ADAP1: variants seen among roughly 807,000 people sequenced by gnomAD.
ADAP1 encodes arf-GAP with dual PH domain-containing protein 1.
Under a neutral mutation model 54.9 loss-of-function variants are expected in ADAP1, and 31 were observed. That is an observed-to-expected ratio of 0.56 (90% CI 0.42 to 0.76). The LOEUF is 0.76. Among genes scored for constraint, ADAP1 ranks in the 30% least tolerant of loss-of-function variants. The probability of loss-of-function intolerance (pLI) is 0.00; values close to 1 mark genes in which losing one functional copy is unlikely to be tolerated. For missense variants in ADAP1, 535 were observed against 512.4 expected (o/e 1.04, Z -0.42); for synonymous variants, 313 against 202.6 (o/e 1.55, Z -4.63).
intron 1 of ADAP1, among the ~76,000 whole-genome samples, chr7:951,372 CA>C (rs1221252727): frequency 0.021 from 2,608 of 126,300 alleles, 53 homozygotes; most frequent in African/African-American, 0.054. Context: ...GACTCCGTCT[CA>C]AAAAAAAAAA....
rs1016424130 is a variant in ADAP1 at position 926,394 on chromosome 7, C to T, written c.305+159G>A. 7.2e-6 allele frequency among the ~76,000 whole-genome samples: 1 copy of T among 139,326 alleles called. No homozygotes were observed. The highest frequency in any genetic ancestry group is 2.6e-5 in the African/African-American group (1 of 38,036). The allele number at this position is 139,326 out of a possible 152,430, so 91.4% of individuals were successfully genotyped here. On this transcript the variant is annotated intron_variant, in intron 3 of 10. Coordinates refer to ENST00000265846, the MANE Select transcript of ADAP1 (RefSeq NM_006869.4). The surrounding 1 kb of genome is among the most constrained non-coding windows in gnomAD (Gnocchi z 4.6). ...CCAAAGCCCGGTGGTGGCCAGCAGA[C>T]ACAGGCGGCACCTCGGGGTCTGGGG...
intron 4 of ADAP1, among the ~76,000 whole-genome samples, chr7:907,548 CCACT>C (rs1314582941): frequency 2.0e-5 from 3 of 152,104 alleles, no homozygotes; most frequent in Admixed American, 6.5e-5. Flanking sequence ...CCACGTGTGG[CCACT>C]CAGAGGGGCG....
rs1035433443 is a variant in ADAP1, at chr7:926,199, C to T, written c.305+354G>A. Among the ~76,000 whole-genome samples the T allele has an allele frequency of 2.4e-5, 3 of 126,602 alleles. No individual in the cohort carries two copies. The highest frequency in any genetic ancestry group is 5.2e-5 in the Non-Finnish European group (3 of 57,516). 83.1% of individuals were successfully genotyped at this position (126,602 alleles called of 152,430 possible). On this transcript the variant is annotated intron_variant, in intron 3 of 10. Coordinates refer to ENST00000265846, the MANE Select transcript of ADAP1 (RefSeq NM_006869.4). This position sits in a 1 kb window ranked among gnomAD's most constrained non-coding sequence, Gnocchi z 4.6. ...TCCCGCCCTGAGGAGCCAGGGCAGGCCCCGAAACAACAGCCGCCCCTCCCG... is the reference window on the plus strand; with the variant it reads ...TCCCGCCCTGAGGAGCCAGGGCAGGTCCCGAAACAACAGCCGCCCCTCCCG...
At chr7:905,758 G>C (rs1246139853) in intron 4 of ADAP1, 3 of 38,740 alleles carry the variant, frequency 7.7e-5, no homozygotes, top group African/African-American at 6.2e-4. Context: ...GGAGAAGGGA[G>C]AAGGGAGAAA....
chr7:935,113 G>A (rs1392590985), intron 2 of ADAP1: 2 of 612,554 alleles, frequency 3.3e-6, no homozygotes, highest in East Asian at 7.2e-5. Flanking sequence ...GGGAATCGGC[G>A]ACCCGCCTTC....
At chr7:902,798 C>T (rs1411142014) in intron 6 of ADAP1, among the ~76,000 whole-genome samples, 2 of 152,172 alleles carry the variant, frequency 1.3e-5, no homozygotes, top group Non-Finnish European at 2.9e-5. Flanking sequence ...AACACACGCA[C>T]AGCATTGGAG....
rs1845116128 is a variant in ADAP1, at chr7:905,406, A to AAAGGG, written c.389-235_389-234insCCCTT. 2 of 167,770 alleles carry AAAGGG rather than the reference A, an allele frequency of 1.2e-5. 1 individual carries two copies. 10.4% of individuals were successfully genotyped at this position (167,770 alleles called of 1,614,324 possible). On this transcript the variant is annotated intron_variant, in intron 4 of 10. Coordinates refer to ENST00000265846, the MANE Select transcript of ADAP1 (RefSeq NM_006869.4). ...AAGGAGAAAGGAGAAAGGAGAAAGG[A>AAAGGG]GAAAGGGAGAAAGAGAAAGGAGAAA...
chr7:906,524 AG>A (rs1562914514), intron 4 of ADAP1, among the ~76,000 whole-genome samples: 1 of 33,130 alleles, frequency 3.0e-5, no homozygotes, highest in African/African-American at 1.1e-4. Flanking sequence ...GAAAGGAGAA[AG>A]GGAAAGGAGA....
intron 2 of ADAP1, among the ~76,000 whole-genome samples, chr7:931,821 A>G (rs1846591001): frequency 6.6e-6 from 1 of 151,694 alleles, no homozygotes; most frequent in African/African-American, 2.4e-5. Context: ...AGAAGAGAAG[A>G]ATCTTTGGTT....
rs1847155668 is a variant in ADAP1 at position 946,918 on chromosome 7, G to A, written c.82+7478C>T. On this transcript the variant is annotated intron_variant, in intron 1 of 10. Transcript: ENST00000265846. This position sits in a 1 kb window ranked among gnomAD's most constrained non-coding sequence, Gnocchi z 4.3. ...GGAGAGGCCAAGGTGAACGGGTGGA[G>A]CCCAGGAGTTCGAGACCAGCCTGGG... 6.6e-6 allele frequency among the ~76,000 whole-genome samples: 1 copy of A among 152,236 alleles called. No individual in the cohort carries two copies. Among genetic ancestry groups the A allele is most frequent in the African/African-American group, 2.4e-5 (1 of 41,454 alleles).
rs1379375130 is a variant in ADAP1, at chr7:906,660, C to T, written c.389-1488G>A. Among the ~76,000 whole-genome samples, 54 of 57,304 alleles carry T rather than the reference C, an allele frequency of 9.4e-4. 14 individuals are homozygous for T. In the Middle Eastern group the frequency reaches 0.025, roughly 27 times the overall value. The allele number at this position is 57,304 out of a possible 152,430, so 37.6% of individuals were successfully genotyped here. On this transcript the variant is annotated intron_variant, in intron 4 of 10. Coordinates refer to ENST00000265846, the MANE Select transcript of ADAP1 (RefSeq NM_006869.4). ...GGAGAAAGGGAAAGGAGAAAGGGGG[C>T]GGGAAAGGGGACATGGACAGGGGAC...
rs2128114253 is a variant in ADAP1 at position 954,667 on chromosome 7, G to A, written c.-190C>T. 1 of 982,230 alleles carries A rather than the reference G, an allele frequency of 1.0e-6. No individual in the cohort carries two copies. The highest frequency in any genetic ancestry group is 6.3e-5 in the Admixed American group (1 of 15,880). 60.8% of individuals were successfully genotyped at this position (982,230 alleles called of 1,614,324 possible). A position where few individuals can be genotyped will look rare whatever the true frequency, so the allele number is the denominator to read the frequency against. Reference sequence around the variant, plus strand: ...CGCCGCCGCTCGTGTCTCCGCCGCGGTCGCTGAGCGAGTGCCGGCGCGGGG... The same window carrying A: ...CGCCGCCGCTCGTGTCTCCGCCGCGATCGCTGAGCGAGTGCCGGCGCGGGG... On this transcript the variant is annotated 5_prime_UTR_variant, in exon 1 of 11. Coordinates refer to ENST00000265846, the MANE Select transcript of ADAP1 (RefSeq NM_006869.4).
chr7:920,756 C>A lies in ADAP1; in HGVS notation c.306-706G>T. The A allele has an allele frequency of 2.6e-6, 4 of 1,543,100 alleles. No homozygotes were observed. Among genetic ancestry groups the A allele is most frequent in the Non-Finnish European group, 3.5e-6 (4 of 1,141,920 alleles). ...GACATCCCTGCCCAGAGCCACCCAC[C>A]ACGGCCTCCCCATCCACCGTGACTC... On this transcript the variant is annotated intron_variant, in intron 3 of 10. Coordinates refer to ENST00000265846, the MANE Select transcript of ADAP1 (RefSeq NM_006869.4). The surrounding 1 kb of genome is among the most constrained non-coding windows in gnomAD (Gnocchi z 4.5).
At chr7:936,660 G>A (rs879631558) in intron 1 of ADAP1, among the ~76,000 whole-genome samples, 12 of 152,242 alleles carry the variant, frequency 7.9e-5, no homozygotes, top group Non-Finnish European at 1.8e-4. Context: ...ATAAGTCAAG[G>A]GAGTGGAATG....
At chr7:908,770 G>A (rs1008285517) in intron 4 of ADAP1, among the ~76,000 whole-genome samples, 29 of 152,342 alleles carry the variant, frequency 1.9e-4, no homozygotes, top group Admixed American at 1.8e-3. Flanking sequence ...GGCGCTTCCC[G>A]GCCTCTGCCG....
intron 1 of ADAP1, among the ~76,000 whole-genome samples, chr7:936,801 C>A (rs1286332036): frequency 1.3e-5 from 2 of 152,234 alleles, no homozygotes; most frequent in Admixed American, 1.3e-4. Context: ...CAAGCAGGTG[C>A]GGCTGTGGAC....
intron 1 of ADAP1, among the ~76,000 whole-genome samples, chr7:937,896 C>A (rs1846828373): frequency 6.6e-6 from 1 of 152,178 alleles, no homozygotes; most frequent in African/African-American, 2.4e-5. Context: ...GACCCCAGAC[C>A]CAGCACCCCC....
At chr7:940,802 G>A (rs1057452362) in intron 1 of ADAP1, among the ~76,000 whole-genome samples, 2 of 152,170 alleles carry the variant, frequency 1.3e-5, no homozygotes, top group African/African-American at 4.8e-5. Flanking sequence ...TACCAGTAAT[G>A]CAAGGTTGGT....
intron 3 of ADAP1, among the ~76,000 whole-genome samples, chr7:922,554 G>A (rs1334653177): frequency 1.3e-5 from 2 of 152,258 alleles, no homozygotes; most frequent in Non-Finnish European, 2.9e-5. Flanking sequence ...CCCCCATAGC[G>A]GGTGCTGTTC....
Sources: gnomAD v4.1 joint callset for allele counts (sites outside exome capture counted in the v4.1 genomes callset) on GRCh38, gnomAD v4.1.1 for gene constraint, Gnocchi (gnomAD v3.1) non-coding constraint, MANE v1.5 for transcripts, NCBI Gene and HGNC (gene_info 2026-07-23, HGNC 2026-07-21) for gene names.